Variants in MALRD1 observed in about 807,000 individuals in gnomAD.
MALRD1 encodes MAM and LDL receptor class A domain containing 1.
Under a neutral mutation model 242.1 loss-of-function variants are expected in MALRD1, and 247 were observed. The observed-to-expected ratio is 1.02, with a 90% CI of 0.92 to 1.13. The LOEUF (loss-of-function observed/expected upper bound fraction) is 1.13. Among genes scored for constraint, MALRD1 ranks in the 50% most tolerant of loss-of-function variants. The pLI is 0.00. For synonymous variants in MALRD1, 995 were observed against 866.6 expected, an observed-to-expected ratio of 1.15 and a Z score of -2.60; for missense variants, 2,989 against 2,533.1, an observed-to-expected ratio of 1.18 and a Z score of -3.86.
chr10:19,488,941 G>T (rs757033431), intron 29 of MALRD1: 1 of 411,776 alleles, frequency 2.4e-6, no homozygotes, highest in Non-Finnish European at 4.9e-6. Context: ...TTAAGATCCC[G>T]TGTACTGAAA....
chr10:19,275,647 C>T (rs762218507), intron 19 of MALRD1, among the ~76,000 whole-genome samples: 7 of 151,380 alleles, frequency 4.6e-5, no homozygotes, highest in Non-Finnish European at 7.4e-5. Flanking sequence ...CCAGCCTGGG[C>T]GACAGAGCGA....
intron 28 of MALRD1, among the ~76,000 whole-genome samples, chr10:19,403,443 A>T (rs1846954335): frequency 6.6e-6 from 1 of 152,170 alleles, no homozygotes; most frequent in African/African-American, 2.4e-5. Context: ...GTGGCATTTA[A>T]TATATCCACA....
intron 28 of MALRD1, among the ~76,000 whole-genome samples, chr10:19,426,869 T>C (rs185082440): frequency 2.1e-4 from 32 of 152,272 alleles, no homozygotes; most frequent in East Asian, 3.9e-4. Context: ...TAGGATTTTA[T>C]ATATATTTTT....
At chr10:19,572,862 T>A (rs10764080) in intron 33 of MALRD1, among the ~76,000 whole-genome samples, 104,752 of 151,854 alleles carry the variant, frequency 0.69, 40,028 homozygotes, top group Non-Finnish European at 0.84. Flanking sequence ...GAGAAAGGAG[T>A]GGAGCAGCTT....
At chr10:19,183,707 A>G (rs1261856137) in intron 14 of MALRD1, among the ~76,000 whole-genome samples, 8 of 152,362 alleles carry the variant, frequency 5.3e-5, no homozygotes, top group Admixed American at 5.2e-4. Context: ...AATAGCAAAC[A>G]TAAATTGCAA....
chr10:19,307,664 C>T (rs1842271351), intron 21 of MALRD1, among the ~76,000 whole-genome samples: 1 of 151,302 alleles, frequency 6.6e-6, no homozygotes, highest in South Asian at 2.1e-4. Flanking sequence ...AAGCTAATGC[C>T]AGAGACATAG....
chr10:19,164,975 T>C (rs1016295305), intron 12 of MALRD1, among the ~76,000 whole-genome samples: 1 of 152,088 alleles, frequency 6.6e-6, no homozygotes, highest in Non-Finnish European at 1.5e-5. Context: ...AGAGACTAAA[T>C]TGATATAAAG....
At chr10:19,313,294 A>G (rs1191611676) in intron 21 of MALRD1, among the ~76,000 whole-genome samples, 2 of 3,244 alleles carry the variant, frequency 6.2e-4, no homozygotes, top group East Asian at 0.33. Flanking sequence ...ACAATTTTCA[A>G]TAAATATTAT....
Position 19,087,873 on chromosome 10 carries a change from C to A in MALRD1, c.374C>A (p.Ser125Tyr). The change falls in exon 3 of 40, where the codon TCT (serine) becomes TAT (tyrosine). Residue 125 changes from serine to tyrosine, a missense_variant. By Grantham distance (144) the Ser-to-Tyr change is moderately radical. Transcript: ENST00000454679. Reference protein sequence around the residue: ...HFLSLVSRVDSISSSLRSRVF... With the variant: ...HFLSLVSRVDYISSSLRSRVF... ...CTCTCACTGGTTTCCAGAGTGGATT[C>A]TATTTCCTCAAGTTTAAGAAGCAGA... The A allele has an allele frequency of 8.1e-7, 1 of 1,232,680 alleles. No homozygotes were observed. Among genetic ancestry groups the A allele is most frequent in the Non-Finnish European group, 1.0e-6 (1 of 987,538 alleles). The allele number at this position is 1,232,680 out of a possible 1,614,324, so 76.4% of individuals were successfully genotyped here.
Position 19,692,551 on chromosome 10 carries a change from T to G in MALRD1, c.6311T>G (p.Ile2104Arg). 1 of 1,534,002 alleles carries G rather than the reference T, an allele frequency of 6.5e-7. No individual in the cohort carries two copies. The highest frequency in any genetic ancestry group is 8.7e-7 in the Non-Finnish European group (1 of 1,145,138). The change falls in exon 38 of 40, where the codon ATA (isoleucine) becomes AGA (arginine). Residue 2104 changes from isoleucine (I) to arginine (R), a missense_variant. Coordinates refer to ENST00000454679, the MANE Select transcript of MALRD1 (RefSeq NM_001142308.3). The part of the protein sequence containing the change: ...LCFLANRKVP[I>R]RKTEGSGNCA... ...TTTCTTGCAAACAGAAAGGTACCAA[T>G]AAGGTAAGTGATGCCTTTAGTTGCT...
At chr10:19,255,669 A>G (rs1839473592) in intron 18 of MALRD1, among the ~76,000 whole-genome samples, 1 of 152,076 alleles carries the variant, frequency 6.6e-6, no homozygotes, top group Non-Finnish European at 1.5e-5. Flanking sequence ...AAGAATGCTA[A>G]CATTTAGAGG....
rs112864530 is a variant in MALRD1 at position 19,466,196 on chromosome 10, A to G, written c.5029+15706A>G. Among the ~76,000 whole-genome samples, 655 of 152,236 alleles carry G rather than the reference A, an allele frequency of 4.3e-3. 5 individuals carry two copies. The highest frequency in any genetic ancestry group is 7.1e-3 in the Non-Finnish European group (485 of 68,006). On this transcript the variant is annotated intron_variant, in intron 29 of 39. Coordinates refer to ENST00000454679, the MANE Select transcript of MALRD1 (RefSeq NM_001142308.3). ...GCTGCTTGCTTTCTTGTATTTATTC[A>G]GAAGTGGTCTGTCTTCATTAACTAT...
intron 32 of MALRD1, among the ~76,000 whole-genome samples, chr10:19,559,219 C>T (rs1272158499): frequency 6.6e-6 from 1 of 151,702 alleles, no homozygotes; most frequent in Non-Finnish European, 1.5e-5. Flanking sequence ...TAATATTTTT[C>T]ATTACCCTTT....
chr10:19,170,799 TTC>T (rs1301918230), intron 13 of MALRD1, among the ~76,000 whole-genome samples: 1 of 152,148 alleles, frequency 6.6e-6, no homozygotes, highest in Non-Finnish European at 1.5e-5. Context: ...TTCTCTAATC[TTC>T]TGTTTCTTTC....
intron 2 of MALRD1, among the ~76,000 whole-genome samples, chr10:19,070,522 T>G (rs1298072019): frequency 6.6e-6 from 1 of 152,162 alleles, no homozygotes; most frequent in Non-Finnish European, 1.5e-5. Context: ...AATTCTAAAA[T>G]TTTTAATAGG....
intron 32 of MALRD1, among the ~76,000 whole-genome samples, chr10:19,566,145 T>G (rs1589246652): frequency 6.6e-6 from 1 of 151,962 alleles, no homozygotes; most frequent in South Asian, 2.1e-4. Flanking sequence ...TATTTATTTT[T>G]TGAGACACAG....
chr10:19,103,877 G>C (rs1836369768), intron 4 of MALRD1, 102 bp from the exon 5 acceptor site: 1 of 602,230 alleles, frequency 1.7e-6, no homozygotes, highest in East Asian at 3.5e-5. Context: ...CTTCTAGAGA[G>C]TGACATGCTT....
intron 28 of MALRD1, among the ~76,000 whole-genome samples, chr10:19,437,068 C>T (rs779860942): frequency 7.3e-5 from 9 of 122,652 alleles, no homozygotes; most frequent in African/African-American, 2.8e-4. Context: ...GAAAGTGCAA[C>T]AAATATTAGC....
At chr10:19,534,821 T>C (rs886863777) in intron 32 of MALRD1, among the ~76,000 whole-genome samples, 4 of 152,128 alleles carry the variant, frequency 2.6e-5, no homozygotes, top group African/African-American at 9.7e-5. Context: ...TAGAAATTTA[T>C]TGTAATGAAA....
Sources: gnomAD v4.1 joint callset for allele counts (sites outside exome capture counted in the v4.1 genomes callset) on GRCh38, gnomAD v4.1.1 for gene constraint, MANE v1.5 for transcripts, NCBI Gene and HGNC (gene_info 2026-07-23, HGNC 2026-07-21) for gene names.